CAMTA1: variants seen among roughly 807,000 people sequenced by gnomAD.
CAMTA1 encodes the protein calmodulin binding transcription activator 1, also known as calmodulin-binding transcription activator 1.
CAMTA1 carries 27 observed loss-of-function variants against 170.9 expected under a neutral mutation model. The ratio of observed to expected loss-of-function variants is 0.16; its 90% CI spans 0.12 to 0.22. The LOEUF is 0.22. Ranked by LOEUF, CAMTA1 falls within the 10% of genes least tolerant of loss-of-function variation. The probability of loss-of-function intolerance (pLI) is 1.00; values close to 1 mark genes in which losing one functional copy is unlikely to be tolerated. For synonymous variants in CAMTA1, 833 were observed against 891.5 expected (o/e 0.93, Z 1.17); for missense variants, 1,619 against 2,217.2 (o/e 0.73, Z 5.42).
At chr1:7,314,699 A>G (rs1202582416) in intron 5 of CAMTA1, among the ~76,000 whole-genome samples, 1 of 152,206 alleles carries the variant, frequency 6.6e-6, no homozygotes, top group African/African-American at 2.4e-5. Context: ...CTTAGGTTTC[A>G]CAATTGAGGT....
At position 7,260,549 on chromosome 1, in the gene CAMTA1, T is replaced by G. The variant is rs142629829; in HGVS notation, c.438+10923T>G. On this transcript the variant is annotated intron_variant, in intron 5 of 22. Coordinates refer to ENST00000303635, the MANE Select transcript of CAMTA1 (RefSeq NM_015215.4). ...GTAGAGAGGGCAGGGCTAGTCCCAG[T>G]GATACACTCTGTGTTCTCCTGTCTA... Among the ~76,000 whole-genome samples the G allele has an allele frequency of 5.0e-3, 760 of 152,306 alleles. 14 individuals are homozygous for G. Among genetic ancestry groups the G allele is most frequent in the Admixed American group, 0.039 (593 of 15,312 alleles).
At chr1:7,701,647 T>C (rs908132482) in intron 11 of CAMTA1, among the ~76,000 whole-genome samples, 8 of 152,078 alleles carry the variant, frequency 5.3e-5, no homozygotes, top group African/African-American at 1.9e-4. Flanking sequence ...CTCGAACTCC[T>C]GGGTTCCAGT....
chr1:7,060,462 C>T (rs1212591465), intron 3 of CAMTA1, among the ~76,000 whole-genome samples: 1 of 152,270 alleles, frequency 6.6e-6, no homozygotes, highest in Non-Finnish European at 1.5e-5. Flanking sequence ...AGACTGCCGT[C>T]TCCAAATCCA....
intron 3 of CAMTA1, among the ~76,000 whole-genome samples, chr1:6,923,013 ATAAG>A (rs1248614894): frequency 6.6e-6 from 1 of 152,212 alleles, no homozygotes; most frequent in Non-Finnish European, 1.5e-5. Context: ...ATTCCATCAA[ATAAG>A]TATCAATTAA....
At chr1:7,536,382 G>A (rs2094549141) in intron 6 of CAMTA1, among the ~76,000 whole-genome samples, 1 of 152,212 alleles carries the variant, frequency 6.6e-6, no homozygotes, top group African/African-American at 2.4e-5. Context: ...CGGGGAGGAG[G>A]TGCCTGCCCC....
intron 3 of CAMTA1, among the ~76,000 whole-genome samples, chr1:7,071,067 C>T (rs549255014): frequency 7.6e-4 from 116 of 152,302 alleles, no homozygotes; most frequent in African/African-American, 2.2e-3. Context: ...AGTCAGAGCC[C>T]GCAGACTGAT....
chr1:7,168,113 A>G (rs1391524321), intron 4 of CAMTA1, among the ~76,000 whole-genome samples: 1 of 152,186 alleles, frequency 6.6e-6, no homozygotes, highest in East Asian at 1.9e-4. Context: ...TAGCTTTTAA[A>G]TTGCAATTAT....
intron 22 of CAMTA1, among the ~76,000 whole-genome samples, chr1:7,761,426 A>AT (rs34659887): frequency 9.5e-4 from 140 of 148,072 alleles, no homozygotes; most frequent in Middle Eastern, 3.5e-3. Context: ...TGCAGTTATA[A>AT]TTTTTTTTTT....
intron 4 of CAMTA1, among the ~76,000 whole-genome samples, chr1:7,133,815 C>G (rs1421576124): frequency 6.6e-6 from 1 of 152,184 alleles, no homozygotes; most frequent in Non-Finnish European, 1.5e-5. Context: ...TGTTTTCTCT[C>G]TCACACTTTT....
At chr1:7,472,963 C>A (rs1005263021) in intron 6 of CAMTA1, among the ~76,000 whole-genome samples, 18 of 152,178 alleles carry the variant, frequency 1.2e-4, no homozygotes, top group African/African-American at 1.4e-4. Context: ...GGACTCACCA[C>A]CCCCCAGGAG....
chr1:6,873,793 A>G (rs1669066257), intron 3 of CAMTA1, among the ~76,000 whole-genome samples: 1 of 152,178 alleles, frequency 6.6e-6, no homozygotes, highest in Non-Finnish European at 1.5e-5. Flanking sequence ...TTATTTGGTT[A>G]GCATTTAGGA....
chr1:7,608,547 C>T (rs1457233191), intron 6 of CAMTA1, among the ~76,000 whole-genome samples: 1 of 152,142 alleles, frequency 6.6e-6, no homozygotes, highest in Admixed American at 6.5e-5. Context: ...TGTCCCCAGC[C>T]CAGGGAAAGG....
At chr1:7,621,770 T>C (rs549653925) in intron 6 of CAMTA1, among the ~76,000 whole-genome samples, 1 of 152,222 alleles carries the variant, frequency 6.6e-6, no homozygotes, top group Admixed American at 6.5e-5. Flanking sequence ...CCCGAGCAGG[T>C]CGGGGGTGCC....
intron 4 of CAMTA1, among the ~76,000 whole-genome samples, chr1:7,157,969 C>T (rs1646992524): frequency 6.6e-6 from 1 of 152,146 alleles, no homozygotes. Flanking sequence ...ACCATCCTGA[C>T]TAACACAGTG....
At chr1:7,346,420 C>T (rs929666744) in intron 5 of CAMTA1, among the ~76,000 whole-genome samples, 3 of 152,090 alleles carry the variant, frequency 2.0e-5, no homozygotes, top group African/African-American at 4.8e-5. Context: ...CTGCTGAGGA[C>T]GGGGGAACTA....
chr1:7,469,522 G>A (rs184063210), intron 6 of CAMTA1, among the ~76,000 whole-genome samples: 1 of 152,330 alleles, frequency 6.6e-6, no homozygotes, highest in East Asian at 1.9e-4. Context: ...TGGGCCTCCA[G>A]CCCCATGGGT....
chr1:7,058,860 C>T (rs1309337388), intron 3 of CAMTA1, among the ~76,000 whole-genome samples: 1 of 146,152 alleles, frequency 6.8e-6, no homozygotes, highest in Non-Finnish European at 1.5e-5. Context: ...GAATGGTGTA[C>T]ACACACACAT....
chr1:6,922,780 G>A (rs1682297453), intron 3 of CAMTA1, among the ~76,000 whole-genome samples: 1 of 152,182 alleles, frequency 6.6e-6, no homozygotes, highest in African/African-American at 2.4e-5. Context: ...AGGATTTGCA[G>A]ACATGTTTTA....
chr1:7,616,264 G>A (rs954965587), intron 6 of CAMTA1, among the ~76,000 whole-genome samples: 1 of 152,252 alleles, frequency 6.6e-6, no homozygotes, highest in African/African-American at 2.4e-5. Context: ...CAAGCAGGGC[G>A]TTCTGTTTAT....
Sources: gnomAD v4.1 joint callset for allele counts (sites outside exome capture counted in the v4.1 genomes callset) on GRCh38, gnomAD v4.1.1 for gene constraint, MANE v1.5 for transcripts, NCBI Gene and HGNC (gene_info 2026-07-23, HGNC 2026-07-21) for gene names.